Variants in BOC observed in about 807,000 individuals in gnomAD.
BOC encodes BOC cell adhesion associated, oncogene regulated, also known as brother of CDO.
In BOC, 76 loss-of-function variants were observed where a neutral mutation model predicts 112.0. That is an observed-to-expected ratio of 0.68 (90% CI 0.56 to 0.82). The LOEUF (loss-of-function observed/expected upper bound fraction) is 0.82. Ranked by LOEUF, BOC falls within the 40% of genes least tolerant of loss-of-function variation. The pLI is 0.00. For synonymous variants in BOC, 580 were observed against 599.8 expected (o/e 0.97, Z 0.48); for missense variants, 1,309 against 1,511.7 (o/e 0.87, Z 2.22).
chr3:113,283,012 G>A (rs548352000), intron 15 of BOC, among the ~76,000 whole-genome samples: 1 of 152,162 alleles, frequency 6.6e-6, no homozygotes. Flanking sequence ...TCCACCAGCA[G>A]GTAGCACGCT....
At chr3:113,236,968 C>G (rs1017076734) in intron 2 of BOC, among the ~76,000 whole-genome samples, 1 of 152,192 alleles carries the variant, frequency 6.6e-6, no homozygotes, top group African/African-American at 2.4e-5. Context: ...AACTGAGGCT[C>G]AAAGATACTA....
Position 113,249,823 on chromosome 3 carries a change from G to A in BOC, c.21G>A (p.Thr7=), listed in dbSNP as rs1219431766. The part of the protein sequence containing the change: MLRGTM[T]AWRGMRPEVT... ...ACACCATGCTGCGTGGGACGATGAC[G>A]GCGTGGAGAGGAATGAGGCCTGAGG... Residue 7 remains threonine, a synonymous_variant, in exon 3 of 20, where the codon ACG becomes ACA. Transcript: ENST00000682979. The A allele has an allele frequency of 3.1e-6, 5 of 1,613,082 alleles. No individual in the cohort carries two copies. The highest frequency in any genetic ancestry group is 3.4e-6 in the Non-Finnish European group (4 of 1,179,720).
At chr3:113,267,720 C>A (rs866190352) in intron 4 of BOC, among the ~76,000 whole-genome samples, 2 of 152,276 alleles carry the variant, frequency 1.3e-5, no homozygotes, top group South Asian at 4.1e-4. Context: ...CTAAGGAGAA[C>A]CTGGGAAGGC....
chr3:113,280,958 TCTGA>T (rs1484153874), intron 14 of BOC, 69 bp from the exon 15 acceptor site: 17 of 1,580,098 alleles, frequency 1.1e-5, no homozygotes, highest in African/African-American at 1.3e-5. Flanking sequence ...CCCAGCTGAG[TCTGA>T]CTATGAGATT....
At position 113,278,908 on chromosome 3, in the gene BOC, C is replaced by T; in HGVS notation, c.1816+125C>T. The T allele has an allele frequency of 2.5e-6, 2 of 793,158 alleles. No homozygotes were observed. The highest frequency in any genetic ancestry group is 4.0e-6 in the Non-Finnish European group (2 of 497,386). The allele number at this position is 793,158 out of a possible 1,614,324, so 49.1% of individuals were successfully genotyped here. A position where few individuals can be genotyped will look rare whatever the true frequency, so the allele number is the denominator to read the frequency against. On this transcript the variant is annotated intron_variant, in intron 11 of 19. Coordinates refer to ENST00000682979, the MANE Select transcript of BOC (RefSeq NM_001378074.1). The surrounding 1 kb of genome is among the most constrained non-coding windows in gnomAD (Gnocchi z 4.2). Reference sequence around the variant, plus strand: ...GGTTTTTATGACATCTCCCAGTTAACCACAATGAGGAAATGTAGTTTGGAG... The same window carrying T: ...GGTTTTTATGACATCTCCCAGTTAATCACAATGAGGAAATGTAGTTTGGAG...
At chr3:113,246,172 A>G (rs1378238160) in intron 2 of BOC, among the ~76,000 whole-genome samples, 1 of 152,226 alleles carries the variant, frequency 6.6e-6, no homozygotes, top group Admixed American at 6.5e-5. Context: ...GTGTGTCAGC[A>G]GTTAAATGTT....
At chr3:113,213,761 C>T (rs1378835436) in intron 1 of BOC, among the ~76,000 whole-genome samples, 2 of 152,114 alleles carry the variant, frequency 1.3e-5, no homozygotes, top group African/African-American at 4.8e-5. Flanking sequence ...GGGACAGAGG[C>T]CGGGCAGAAA....
chr3:113,228,471 G>A (rs1401160064), intron 2 of BOC, among the ~76,000 whole-genome samples: 4 of 152,148 alleles, frequency 2.6e-5, no homozygotes, highest in African/African-American at 9.7e-5. Flanking sequence ...AATAGGCCCT[G>A]GGTGAGGTAG....
intron 2 of BOC, among the ~76,000 whole-genome samples, chr3:113,247,822 A>G (rs993520902): frequency 1.3e-5 from 2 of 152,240 alleles, no homozygotes; most frequent in Non-Finnish European, 1.5e-5. Flanking sequence ...TACTTTGCCA[A>G]TAATATGACC....
At chr3:113,277,652 T>C (rs1216262058) in intron 9 of BOC, among the ~76,000 whole-genome samples, 1 of 152,250 alleles carries the variant, frequency 6.6e-6, no homozygotes, top group East Asian at 1.9e-4. Flanking sequence ...TTAGCGAATG[T>C]TGCTATTTTA....
At chr3:113,236,823 G>A (rs1943631744) in intron 2 of BOC, among the ~76,000 whole-genome samples, 1 of 152,214 alleles carries the variant, frequency 6.6e-6, no homozygotes, top group Admixed American at 6.5e-5. Flanking sequence ...ATGGCTTTTG[G>A]AAGAAAAGTT....
chr3:113,276,971 C>T (rs1394750532), intron 9 of BOC, among the ~76,000 whole-genome samples: 3 of 152,094 alleles, frequency 2.0e-5, no homozygotes, highest in East Asian at 1.9e-4. Flanking sequence ...TCTGTTGTCC[C>T]GAAAGGTGGC....
intron 2 of BOC, among the ~76,000 whole-genome samples, chr3:113,238,243 C>T (rs921822730): frequency 2.0e-5 from 3 of 152,120 alleles, no homozygotes; most frequent in African/African-American, 7.2e-5. Flanking sequence ...GATTTTAGGG[C>T]TTACGGGAGG....
rs376082614 is a variant in BOC, at chr3:113,272,604, A to G, written c.862A>G (p.Thr288Ala). The G allele has an allele frequency of 1.1e-5, 17 of 1,613,770 alleles. No individual in the cohort carries two copies. The African/African-American group carries it at 1.2e-4, about 11-fold the overall frequency. ...RFLLSNLLID[T>A]TSEEDSGTYR... ...CCTGCTGAGCAACCTCCTCATCGAC[A>G]CCACCAGCGAGGAGGACTCAGGCAC... The change falls in exon 7 of 20, where the codon ACC (threonine) becomes GCC (alanine). Residue 288 changes from threonine (T) to alanine (A), a missense_variant. By Grantham distance (58) the Thr-to-Ala change is moderately conservative (BLOSUM62 0). Transcript: ENST00000682979.
intron 2 of BOC, among the ~76,000 whole-genome samples, chr3:113,244,746 A>G (rs1011156934): frequency 5.9e-5 from 9 of 152,248 alleles, no homozygotes; most frequent in Admixed American, 5.2e-4. Flanking sequence ...TTTATAGATT[A>G]GAATGTATGA....
At chr3:113,258,297 A>G (rs1159644292) in intron 4 of BOC, among the ~76,000 whole-genome samples, 4 of 152,198 alleles carry the variant, frequency 2.6e-5, no homozygotes, top group South Asian at 2.1e-4. Context: ...TTTTATTTCC[A>G]TAGTGAGATA....
chr3:113,260,687 C>CAGAA (rs1475777949), intron 4 of BOC, among the ~76,000 whole-genome samples: 1 of 114,000 alleles, frequency 8.8e-6, no homozygotes, highest in African/African-American at 3.7e-5. Flanking sequence ...CAGAACAGAA[C>CAGAA]AGAACAGAAC....
At chr3:113,267,269 G>T (rs1947587174) in intron 4 of BOC, among the ~76,000 whole-genome samples, 1 of 152,196 alleles carries the variant, frequency 6.6e-6, no homozygotes, top group Non-Finnish European at 1.5e-5. Flanking sequence ...GTTTTGTTGT[G>T]CAAGTGGTCC....
chr3:113,250,705 G>A lies in BOC; in HGVS notation c.248G>A (p.Gly83Asp), dbSNP rs1576413747. Residue 83 changes from glycine to aspartate, a missense_variant, in exon 4 of 20, where the codon GGT becomes GAT. Coordinates refer to ENST00000682979, the MANE Select transcript of BOC (RefSeq NM_001378074.1). ...KELNGSDDAL[G>D]VLITHGTLVI... ...CTGAATGGCTCGGATGATGCTCTGG[G>A]TGTCCTCATCACCCACGGGACCCTC... 6.2e-7 allele frequency: 1 copy of A among 1,614,154 alleles called. No individual in the cohort carries two copies. Among genetic ancestry groups the A allele is most frequent in the Non-Finnish European group, 8.5e-7 (1 of 1,180,034 alleles).
Sources: gnomAD v4.1 joint callset for allele counts (sites outside exome capture counted in the v4.1 genomes callset) on GRCh38, gnomAD v4.1.1 for gene constraint, Gnocchi (gnomAD v3.1) non-coding constraint, MANE v1.5 for transcripts, NCBI Gene and HGNC (gene_info 2026-07-23, HGNC 2026-07-21) for gene names.